Variants in CELSR3 observed in about 807,000 individuals in gnomAD.
The protein encoded by CELSR3 is EGF-like protein 1.
A neutral mutation model predicts 270.0 loss-of-function variants in CELSR3; 73 were observed. The ratio of observed to expected loss-of-function variants is 0.27; its 90% confidence interval spans 0.22 to 0.33. CELSR3 has a LOEUF of 0.33. Ranked by LOEUF, CELSR3 falls within the 10% of genes least tolerant of loss-of-function variation. CELSR3 has a pLI of 1.00. For missense variants in CELSR3, 3,614 were observed against 4,533.8 expected (o/e 0.80, Z 5.83); for synonymous variants, 1,780 against 1,905.4 (o/e 0.93, Z 1.71).
rs964821623 is a variant in CELSR3, at chr3:48,654,902, G to A, written c.4988+142C>T. The stretch of plus-strand genomic sequence containing the variant: ...GGGCTAGGGTGAGTAGGCTTTCAGG[G>A]TCTTTGAGAGGAGAGGGGAATCTTG... On this transcript the variant is annotated intron_variant, in intron 6 of 34. Transcript: ENST00000164024. The surrounding 1 kb of genome is among the most constrained non-coding windows in gnomAD (Gnocchi z 5.4). 3.6e-6 allele frequency: 3 copies of A among 844,270 alleles called. No homozygotes were observed. The highest frequency in any genetic ancestry group is 5.8e-6 in the Non-Finnish European group (3 of 520,070). The allele number at this position is 844,270 out of a possible 1,614,324, so 52.3% of individuals were successfully genotyped here.
In CELSR3 at chr3:48,650,922, A is replaced by G. The variant is rs767984712; in HGVS notation, c.6340T>C (p.Phe2114Leu). 6.2e-7 allele frequency: 1 copy of G among 1,611,208 alleles called. No homozygotes were observed. Among genetic ancestry groups the G allele is most frequent in the Admixed American group, 1.7e-5 (1 of 59,984 alleles). ...CAGCCGCTGGCTGTCACCTCTGCGA[A>G]GGGACTGTCACAGCTGTTGCACTGG... ...GRQCNSCDSP[F>L]AEVTASGCRV... The change falls in exon 15 of 35, where the codon TTC (phenylalanine) becomes CTC (leucine). Residue 2114 changes from phenylalanine (F) to leucine (L), a missense_variant. This residue lies in a region of CELSR3 where 1,331 missense variants were observed against 1,933.7 expected (regional missense o/e 0.69). Coordinates refer to ENST00000164024, the MANE Select transcript of CELSR3 (RefSeq NM_001407.3). The surrounding 1 kb of genome is among the most constrained non-coding windows in gnomAD (Gnocchi z 5.1).
At position 48,653,203 on chromosome 3, in the gene CELSR3, C is replaced by G. The variant is rs1214870568; in HGVS notation, c.5449-16G>C. On this transcript the variant is annotated splice_polypyrimidine_tract_variant and intron_variant, in intron 9 of 34. Coordinates refer to ENST00000164024, the MANE Select transcript of CELSR3 (RefSeq NM_001407.3). This position sits in a 1 kb window ranked among gnomAD's most constrained non-coding sequence, Gnocchi z 6.5. ...CCCGATCTAGCTGTGGGCAGAGATG[C>G]ATAGCCCTGGGGTTAGAGCCCCATG... 1 of 1,611,498 alleles carries G rather than the reference C, an allele frequency of 6.2e-7. No homozygotes were observed. Among genetic ancestry groups the G allele is most frequent in the Non-Finnish European group, 8.5e-7 (1 of 1,178,874 alleles).
chr3:48,653,332 A>G lies in CELSR3; in HGVS notation c.5449-145T>C. ...TACCTGGCACAAAGGGCACTGTGCCAGGGGACATCATGTTGCTGATATGGG... is the reference window on the plus strand; with the variant it reads ...TACCTGGCACAAAGGGCACTGTGCCGGGGGACATCATGTTGCTGATATGGG... On this transcript the variant is annotated intron_variant, in intron 9 of 34. Coordinates refer to ENST00000164024, the MANE Select transcript of CELSR3 (RefSeq NM_001407.3). The surrounding 1 kb of genome is among the most constrained non-coding windows in gnomAD (Gnocchi z 6.5). The G allele has an allele frequency of 1.3e-6, 1 of 775,832 alleles. No homozygotes were observed. The allele number at this position is 775,832 out of a possible 1,614,324, so 48.1% of individuals were successfully genotyped here. A position where few individuals can be genotyped will look rare whatever the true frequency, so the allele number is the denominator to read the frequency against.
chr3:48,661,868 G>A lies in CELSR3; in HGVS notation c.767C>T (p.Pro256Leu). ...CTCGCGGGGTGCTGAACCTGATGCA[G>A]GAGCTGTCCTCGCCGTGCGTGGTGC... ...DSAPRTARTAPASGSAPRESR... is the reference protein window; with the variant it reads ...DSAPRTARTALASGSAPRESR... Residue 256 changes from proline to leucine, a missense_variant, in exon 1 of 35, where the codon CCT becomes CTT. Pro to Leu is a moderately conservative substitution (Grantham distance 98). Coordinates refer to ENST00000164024, the MANE Select transcript of CELSR3 (RefSeq NM_001407.3). 3.1e-6 allele frequency: 5 copies of A among 1,611,058 alleles called. No individual in the cohort carries two copies. The highest frequency in any genetic ancestry group is 4.2e-6 in the Non-Finnish European group (5 of 1,179,642).
chr3:48,650,766 G>T lies in CELSR3; in HGVS notation c.6370+126C>A. 8.7e-7 allele frequency: 1 copy of T among 1,149,312 alleles called. No individual in the cohort carries two copies. The highest frequency in any genetic ancestry group is 1.2e-6 in the Non-Finnish European group (1 of 816,532). 71.2% of individuals were successfully genotyped at this position (1,149,312 alleles called of 1,614,324 possible). A position where few individuals can be genotyped will look rare whatever the true frequency, so the allele number is the denominator to read the frequency against. ...ACTTGGGGCAAAGGTAGGGTTCCCT[G>T]GGTGTAAGTGGTCTCCCTCAGGAGA... is the stretch of plus-strand genomic sequence containing the variant. On this transcript the variant is annotated intron_variant, in intron 15 of 34. Transcript: ENST00000164024. This position sits in a 1 kb window ranked among gnomAD's most constrained non-coding sequence, Gnocchi z 5.1.
At position 48,662,481 on chromosome 3, in the gene CELSR3, G is replaced by A. The variant is rs2077076357; in HGVS notation, c.154C>T (p.Pro52Ser). Residue 52 changes from proline to serine, a missense_variant, in exon 1 of 35, where the codon CCA (proline) becomes TCA (serine). Physicochemically the swap from Pro to Ser is moderately conservative, Grantham distance 74. Transcript: ENST00000164024. The surrounding 1 kb of genome is among the most constrained non-coding windows in gnomAD (Gnocchi z 7.1). The stretch of plus-strand genomic sequence containing the variant: ...GCTCCGCCACCGATATGCGCCCTTG[G>A]CCCCGTAGTGGCAGCTAAGCCTGGG... ...WDPGLAATTG[P>S]RAHIGGGALA... is the part of the protein sequence containing the mutation. 1 of 1,612,660 alleles carries A rather than the reference G, an allele frequency of 6.2e-7. No homozygotes were observed.
rs1430375108 is a variant in CELSR3, at chr3:48,650,614, C to T, written c.6371-33G>A. On this transcript the variant is annotated intron_variant, in intron 15 of 34. Transcript: ENST00000164024. This position sits in a 1 kb window ranked among gnomAD's most constrained non-coding sequence, Gnocchi z 5.1. ...GAGAAGAGGTGCTGAGCCAGGCAGTCAGGGTACAGGGCAGTTGACAGCCAC... is the reference window on the plus strand; with the variant it reads ...GAGAAGAGGTGCTGAGCCAGGCAGTTAGGGTACAGGGCAGTTGACAGCCAC... 13 of 1,560,924 alleles carry T rather than the reference C, an allele frequency of 8.3e-6. No homozygotes were observed. Among genetic ancestry groups the T allele is most frequent in the Non-Finnish European group, 1.1e-5 (13 of 1,149,306 alleles).
chr3:48,656,437 G>A, intron 2 of CELSR3, 72 bp from the exon 3 acceptor site: 1 of 1,318,974 alleles, frequency 7.6e-7, no homozygotes, highest in Non-Finnish European at 9.8e-7. Context: ...CAAAGACCGC[G>A]CGCCCAGAGG....
At position 48,659,191 on chromosome 3, in the gene CELSR3, A is replaced by G. The variant is rs767169872; in HGVS notation, c.3444T>C (p.Pro1148=). ...YVIVVQATSA[P]LVSRATVHVR... is the part of the protein sequence containing the mutation. ...CGTGCACAGTGGCCCGGCTGACCAA[A>G]GGAGCAGATGTGGCCTGCACCACAA... The change falls in exon 1 of 35, where the codon CCT becomes CCC. Residue 1148 remains proline (P), a synonymous_variant. Transcript: ENST00000164024. This position sits in a 1 kb window ranked among gnomAD's most constrained non-coding sequence, Gnocchi z 8.1. 2 of 1,614,202 alleles carry G rather than the reference A, an allele frequency of 1.2e-6. No individual in the cohort carries two copies. Among genetic ancestry groups the G allele is most frequent in the Non-Finnish European group, 1.7e-6 (2 of 1,180,046 alleles).
In CELSR3 at chr3:48,652,012, C is replaced by A; in HGVS notation, c.5788G>T (p.Ala1930Ser). 6.3e-7 allele frequency: 1 copy of A among 1,580,994 alleles called. No individual in the cohort carries two copies. The highest frequency in any genetic ancestry group is 8.6e-7 in the Non-Finnish European group (1 of 1,166,416). ...ACTCGGTGGCTGGGGGGTAGCAGGG[C>A]CGGGGAGCCAGAGGGTGTGGAGCCG... ...WLGSTPSGSP[A>S]LLPPSHRVNA... Residue 1930 changes from alanine to serine, a missense_variant, in exon 12 of 35, where the codon GCC becomes TCC. Physicochemically the swap from Ala to Ser is moderately conservative, Grantham distance 99 (BLOSUM62 1). Transcript: ENST00000164024. This position sits in a 1 kb window ranked among gnomAD's most constrained non-coding sequence, Gnocchi z 4.3.
In CELSR3 at chr3:48,658,133, A is replaced by G. The variant is rs1249214999; in HGVS notation, c.3748+754T>C. 1.3e-5 allele frequency among the ~76,000 whole-genome samples: 2 copies of G among 152,224 alleles called. No homozygotes were observed. Among genetic ancestry groups the G allele is most frequent in the Non-Finnish European group, 2.9e-5 (2 of 68,046 alleles). ...CACCCTAGCACATACTGGGTGGTCAATAAGGATAGACTGTTGAGTGAGTTG... is the reference window on the plus strand; with the variant it reads ...CACCCTAGCACATACTGGGTGGTCAGTAAGGATAGACTGTTGAGTGAGTTG... On this transcript the variant is annotated intron_variant, in intron 1 of 34. Coordinates refer to ENST00000164024, the MANE Select transcript of CELSR3 (RefSeq NM_001407.3). This position sits in a 1 kb window ranked among gnomAD's most constrained non-coding sequence, Gnocchi z 4.7.
chr3:48,644,150 C>T lies in CELSR3; in HGVS notation c.8165+66G>A. The T allele has an allele frequency of 6.7e-7, 1 of 1,483,628 alleles. No individual in the cohort carries two copies. Among genetic ancestry groups the T allele is most frequent in the Non-Finnish European group, 9.3e-7 (1 of 1,072,020 alleles). 91.9% of individuals were successfully genotyped at this position (1,483,628 alleles called of 1,614,324 possible). A position where few individuals can be genotyped will look rare whatever the true frequency, so the allele number is the denominator to read the frequency against. On this transcript the variant is annotated intron_variant, in intron 27 of 34. Transcript: ENST00000164024. This position sits in a 1 kb window ranked among gnomAD's most constrained non-coding sequence, Gnocchi z 4.8. ...CCTGCACCAGGGAAGATCTGGGGGCCCCAGACCCCACCCAGGAGGGACCTG... is the reference window on the plus strand; with the variant it reads ...CCTGCACCAGGGAAGATCTGGGGGCTCCAGACCCCACCCAGGAGGGACCTG...
In CELSR3 at chr3:48,658,205, T is replaced by TG. The variant is rs900703920; in HGVS notation, c.3748+681dup. 3.5e-4 allele frequency among the ~76,000 whole-genome samples: 53 copies of TG among 152,352 alleles called. 1 individual carries two copies. Among genetic ancestry groups the TG allele is most frequent in the Admixed American group, 9.8e-4 (15 of 15,308 alleles). ...CTTCTCAGGCAGTGCCAGGAGTCCCTGCTCCAGAACTGAGGAATGAGCACC... is the reference window on the plus strand; with the variant it reads ...CTTCTCAGGCAGTGCCAGGAGTCCCTGGCTCCAGAACTGAGGAATGAGCACC... On this transcript the variant is annotated intron_variant, in intron 1 of 34. Transcript: ENST00000164024. This position sits in a 1 kb window ranked among gnomAD's most constrained non-coding sequence, Gnocchi z 4.7.
chr3:48,662,234 T>G lies in CELSR3; in HGVS notation c.401A>C (p.Tyr134Ser), dbSNP rs540742010. 2.5e-6 allele frequency: 4 copies of G among 1,613,078 alleles called. No homozygotes were observed. The Admixed American group carries it at 6.7e-5, about 27-fold the overall frequency. The change falls in exon 1 of 35, where the codon TAC becomes TCC. Residue 134 changes from tyrosine (Y) to serine (S), a missense_variant. Physicochemically the swap from Tyr to Ser is moderately radical, Grantham distance 144. Coordinates refer to ENST00000164024, the MANE Select transcript of CELSR3 (RefSeq NM_001407.3). The surrounding 1 kb of genome is among the most constrained non-coding windows in gnomAD (Gnocchi z 7.1). ...ETGQGPGSVL[Y>S]WRPEVSSCGR... is the part of the protein sequence containing the mutation. ...GCAAGAGGAGACCTCTGGGCGCCAG[T>G]ATAACACAGACCCTGGTCCCTGTCC...
Position 48,659,744 on chromosome 3 carries a change from G to A in CELSR3, c.2891C>T (p.Ser964Phe), listed in dbSNP as rs1443069608. 6.2e-7 allele frequency: 1 copy of A among 1,614,240 alleles called. No homozygotes were observed. Among genetic ancestry groups the A allele is most frequent in the Admixed American group, 1.7e-5 (1 of 60,028 alleles). ...VNDNAPQFVA[S>F]HYTGLVSEDA... The stretch of plus-strand genomic sequence containing the variant: ...CTCAGAGACCAGCCCTGTATAGTGG[G>A]AGGCCACAAATTGTGGAGCATTGTC... Residue 964 changes from serine to phenylalanine, a missense_variant, in exon 1 of 35, where the codon TCC becomes TTC. Coordinates refer to ENST00000164024, the MANE Select transcript of CELSR3 (RefSeq NM_001407.3). This position sits in a 1 kb window ranked among gnomAD's most constrained non-coding sequence, Gnocchi z 8.1.
rs761278646 is a variant in CELSR3 at position 48,638,143 on chromosome 3, C to G, written c.*62G>C. 245 of 1,489,884 alleles carry G rather than the reference C, an allele frequency of 1.6e-4. No individual in the cohort carries two copies. Among genetic ancestry groups the G allele is most frequent in the Non-Finnish European group, 2.2e-4 (236 of 1,068,488 alleles). The allele number at this position is 1,489,884 out of a possible 1,614,324, so 92.3% of individuals were successfully genotyped here. ...TGGGATCTGCCCCCACTCCTGGAGT[C>G]TCTCCTGTTAGCCTAGATCCTCTGT... On this transcript the variant is annotated 3_prime_UTR_variant, in exon 35 of 35. Transcript: ENST00000164024.
chr3:48,652,601 C>T lies in CELSR3; in HGVS notation c.5635-48G>A. The T allele has an allele frequency of 7.0e-7, 1 of 1,426,088 alleles. No individual in the cohort carries two copies. Among genetic ancestry groups the T allele is most frequent in the Non-Finnish European group, 9.7e-7 (1 of 1,035,664 alleles). The allele number at this position is 1,426,088 out of a possible 1,614,324, so 88.3% of individuals were successfully genotyped here. A position where few individuals can be genotyped will look rare whatever the true frequency, so the allele number is the denominator to read the frequency against. The stretch of plus-strand genomic sequence containing the variant: ...CACTGAGGGAGAGGGGCCTGATGAA[C>T]CCCTGTCATAGCCCAGAGTCAGTCT... On this transcript the variant is annotated intron_variant, in intron 10 of 34. Coordinates refer to ENST00000164024, the MANE Select transcript of CELSR3 (RefSeq NM_001407.3). This position sits in a 1 kb window ranked among gnomAD's most constrained non-coding sequence, Gnocchi z 4.3.
Position 48,655,022 on chromosome 3 carries a change from G to A in CELSR3, c.4988+22C>T, listed in dbSNP as rs1387422722. The A allele has an allele frequency of 1.2e-6, 2 of 1,612,184 alleles. No individual in the cohort carries two copies. Among genetic ancestry groups the A allele is most frequent in the Middle Eastern group, 1.7e-4 (1 of 6,058 alleles). On this transcript the variant is annotated intron_variant, in intron 6 of 34. Transcript: ENST00000164024. The surrounding 1 kb of genome is among the most constrained non-coding windows in gnomAD (Gnocchi z 5.8). Reference sequence around the variant, plus strand: ...GGCTTTGGTAGGCAGGGGACAAGGGGACTAGGGGGCAGGGGCCTCACTTCT... The same window carrying A: ...GGCTTTGGTAGGCAGGGGACAAGGGAACTAGGGGGCAGGGGCCTCACTTCT...
chr3:48,660,898 C>T lies in CELSR3; in HGVS notation c.1737G>A (p.Leu579=), dbSNP rs2077061710. 1 of 1,613,870 alleles carries T rather than the reference C, an allele frequency of 6.2e-7. No homozygotes were observed. Among genetic ancestry groups the T allele is most frequent in the African/African-American group, 1.3e-5 (1 of 74,958 alleles). ...ATDRDKDANG[L]VHYNIISGNS... is the part of the protein sequence containing the mutation. ...TGCCACTGATGATGTTGTAGTGCAC[C>T]AATCCGTTGGCGTCCTTGTCCCGGT... is the stretch of plus-strand genomic sequence containing the variant. Residue 579 remains leucine, a synonymous_variant, in exon 1 of 35, where the codon TTG becomes TTA. Transcript: ENST00000164024. This position sits in a 1 kb window ranked among gnomAD's most constrained non-coding sequence, Gnocchi z 5.5.
Sources: allele counts gnomAD v4.1 joint callset (sites outside exome capture counted in the v4.1 genomes callset), GRCh38; gene constraint gnomAD v4.1.1; regional missense constraint gnomAD v4.1.1; non-coding constraint Gnocchi (gnomAD v3.1); transcripts MANE v1.5; gene names NCBI Gene and HGNC (gene_info 2026-07-23, HGNC 2026-07-21).